ZCCHC4: variants seen among roughly 807,000 people sequenced by gnomAD.
ZCCHC4 encodes zinc finger CCHC-type containing 4.
A neutral mutation model predicts 67.7 loss-of-function variants in ZCCHC4; 54 were observed. The observed-to-expected ratio is 0.80, with a 90% CI of 0.64 to 1.00. The LOEUF is 1.00. Among genes scored for constraint, ZCCHC4 ranks in the 50% least tolerant of loss-of-function variants. ZCCHC4 has a pLI of 0.00. For synonymous variants in ZCCHC4, 198 were observed against 213.5 expected (o/e 0.93, Z 0.63); for missense variants, 609 against 617.0 (o/e 0.99, Z 0.14).
intron 8 of ZCCHC4, among the ~76,000 whole-genome samples, chr4:25,360,653 G>A (rs1440851773): frequency 2.0e-5 from 3 of 152,240 alleles, no homozygotes. Context: ...GAGCAGCAGA[G>A]TATGCTGAGT....
intron 3 of ZCCHC4, among the ~76,000 whole-genome samples, chr4:25,319,443 C>T (rs975318505): frequency 1.3e-5 from 2 of 151,566 alleles, no homozygotes; most frequent in African/African-American, 2.4e-5. Flanking sequence ...AGCGTTAGGG[C>T]GTAACTTGTG....
chr4:25,358,468 TA>T (rs1720598067), intron 8 of ZCCHC4, among the ~76,000 whole-genome samples: 1 of 152,238 alleles, frequency 6.6e-6, no homozygotes, highest in Non-Finnish European at 1.5e-5. Flanking sequence ...GACTTTCTTG[TA>T]AAGTCTGTTG....
At chr4:25,350,627 G>A (rs1208861409) in intron 7 of ZCCHC4, among the ~76,000 whole-genome samples, 1 of 152,046 alleles carries the variant, frequency 6.6e-6, no homozygotes, top group Non-Finnish European at 1.5e-5. Flanking sequence ...TTTCTAGCTC[G>A]CAAGTTGATA....
chr4:25,313,622 T>A (rs1718074373), intron 1 of ZCCHC4, among the ~76,000 whole-genome samples: 1 of 152,176 alleles, frequency 6.6e-6, no homozygotes, highest in Non-Finnish European at 1.5e-5. Context: ...GCACCTGTAG[T>A]TCCAGCACTT....
intron 10 of ZCCHC4, among the ~76,000 whole-genome samples, chr4:25,363,053 C>T (rs567637157): frequency 6.6e-6 from 1 of 152,302 alleles, no homozygotes; most frequent in South Asian, 2.1e-4. Context: ...ATTAGGTTCA[C>T]TCTTGGTGTT....
At chr4:25,345,820 A>C (rs560682750) in intron 6 of ZCCHC4, among the ~76,000 whole-genome samples, 200 bp downstream of exon 6, 3 of 152,096 alleles carry the variant, frequency 2.0e-5, no homozygotes, top group African/African-American at 4.8e-5. Flanking sequence ...ACTTCTCACT[A>C]CTTTTTGGAT....
chr4:25,336,901 TGA>T (rs1249815397), intron 5 of ZCCHC4, among the ~76,000 whole-genome samples: 1 of 152,234 alleles, frequency 6.6e-6, no homozygotes, highest in Non-Finnish European at 1.5e-5. Flanking sequence ...ATGAGAAAAC[TGA>T]GGCATAAAGA....
intron 3 of ZCCHC4, among the ~76,000 whole-genome samples, chr4:25,325,241 C>CAAAAA (rs11318046): frequency 4.0e-5 from 3 of 74,750 alleles, no homozygotes; most frequent in African/African-American, 1.7e-4. Flanking sequence ...GACTCCGTCT[C>CAAAAA]AAAAAAAAAA....
chr4:25,349,719 A>C, intron 7 of ZCCHC4, 77 bp downstream of exon 7: 1 of 1,464,204 alleles, frequency 6.8e-7, no homozygotes, highest in Non-Finnish European at 9.4e-7. Flanking sequence ...AGCTCAGTGA[A>C]TCAGAGCAGT....
intron 3 of ZCCHC4, among the ~76,000 whole-genome samples, chr4:25,321,041 C>T (rs1001313209): frequency 1.3e-5 from 2 of 152,122 alleles, no homozygotes; most frequent in Non-Finnish European, 2.9e-5. Context: ...TCCTTTTGAC[C>T]ATATTTGAGT....
intron 5 of ZCCHC4, among the ~76,000 whole-genome samples, chr4:25,340,430 G>A (rs982638270): frequency 6.6e-6 from 1 of 151,522 alleles, no homozygotes; most frequent in African/African-American, 2.4e-5. Flanking sequence ...TGGGAAGTAT[G>A]AGTCTTCCTA....
chr4:25,320,811 AG>A (rs1428279778), intron 3 of ZCCHC4, among the ~76,000 whole-genome samples: 3 of 152,258 alleles, frequency 2.0e-5, no homozygotes, highest in African/African-American at 7.2e-5. Flanking sequence ...AAATATTTAA[AG>A]GAAAGAGTTA....
chr4:25,350,962 A>G (rs1720271991), intron 7 of ZCCHC4, among the ~76,000 whole-genome samples: 1 of 152,082 alleles, frequency 6.6e-6, no homozygotes, highest in South Asian at 2.1e-4. Context: ...TGTACTTATT[A>G]TAGCTTAGTG....
intron 5 of ZCCHC4, among the ~76,000 whole-genome samples, chr4:25,345,202 A>G (rs1392524291): frequency 6.6e-6 from 1 of 152,224 alleles, no homozygotes; most frequent in Admixed American, 6.5e-5. Context: ...ATTATTAACC[A>G]TGAGGGATGT....
At chr4:25,368,768 G>A (rs1721037785) in intron 12 of ZCCHC4, among the ~76,000 whole-genome samples, 1 of 152,184 alleles carries the variant, frequency 6.6e-6, no homozygotes, top group South Asian at 2.1e-4. Context: ...CCTCTGTGGT[G>A]TGTTTGCCCC....
intron 7 of ZCCHC4, among the ~76,000 whole-genome samples, chr4:25,349,941 G>A (rs530158604): frequency 5.9e-5 from 9 of 152,172 alleles, no homozygotes; most frequent in Non-Finnish European, 1.0e-4. Flanking sequence ...AATATTTACC[G>A]AGTGGCCACT....
chr4:25,352,064 C>T, intron 8 of ZCCHC4: 1 of 995,132 alleles, frequency 1.0e-6, no homozygotes, highest in Non-Finnish European at 1.2e-6. Flanking sequence ...CGTTGGTTTC[C>T]TCTTTTCAGG....
intron 12 of ZCCHC4, among the ~76,000 whole-genome samples, 170 bp from the exon 13 acceptor site, chr4:25,368,859 A>G (rs1721040253): frequency 6.6e-6 from 1 of 151,620 alleles, no homozygotes; most frequent in South Asian, 2.1e-4. Flanking sequence ...TAGGCCTCTG[A>G]CTCTTCCCTT....
In ZCCHC4 at chr4:25,365,101, T is replaced by A. The variant is rs1354622951; in HGVS notation, c.1341T>A (p.Ile447=). 6.2e-7 allele frequency: 1 copy of A among 1,614,204 alleles called. No individual in the cohort carries two copies. ...AGGGCCCCAAACATGGCTGCTTTAT[T>A]TGTGGTGAACTGGATCATAAACGCA... ...SCEGPKHGCF[I]CGELDHKRST... Residue 447 remains isoleucine (I), a synonymous_variant, in exon 12 of 13, where the codon ATT becomes ATA. Transcript: ENST00000302874.
Sources: gnomAD v4.1 joint callset for allele counts (sites outside exome capture counted in the v4.1 genomes callset) on GRCh38, gnomAD v4.1.1 for gene constraint, MANE v1.5 for transcripts, NCBI Gene and HGNC (gene_info 2026-07-23, HGNC 2026-07-21) for gene names.